The following VPS37A variants were observed in gnomAD, a reference collection of about 807,000 sequenced individuals.
VPS37A encodes the protein VPS37A subunit of ESCRT-I.
VPS37A carries 30 observed loss-of-function variants against 49.8 expected under a neutral mutation model. That is an observed-to-expected ratio of 0.60 (90% CI 0.45 to 0.82). VPS37A has a LOEUF of 0.82. Ranked by LOEUF, VPS37A falls within the 40% of genes least tolerant of loss-of-function variation. The pLI is 0.00. For missense variants in VPS37A, 593 were observed against 464.4 expected (o/e 1.28, Z -2.55); for synonymous variants, 195 against 160.6 (o/e 1.21, Z -1.62).
At chr8:17,301,180 G>C (rs1352316403), downstream of VPS37A, among the ~76,000 whole-genome samples, 3 of 152,218 alleles carry the variant, frequency 2.0e-5, no homozygotes, top group Non-Finnish European at 4.4e-5. Flanking sequence ...GAGGAAAAGA[G>C]ATAGATAAAT....
the VPS37A span, among the ~76,000 whole-genome samples, chr8:17,319,514 G>C: frequency 6.6e-6 from 1 of 152,170 alleles, no homozygotes; most frequent in Non-Finnish European, 1.5e-5. Flanking sequence ...CAAACCTCGA[G>C]TTTTTGCCAC....
In VPS37A at chr8:17,247,038, T is replaced by A. The variant is rs553574263; in HGVS notation, c.-207T>A. ...GGACCTCCTGTTCCGGGCCGCAAGTTTCCCTCTCCAGCCGCCCGCCGTTCG... is the reference window on the plus strand; with the variant it reads ...GGACCTCCTGTTCCGGGCCGCAAGTATCCCTCTCCAGCCGCCCGCCGTTCG... On this transcript the variant is annotated 5_prime_UTR_variant, in exon 1 of 12. Coordinates refer to ENST00000324849, the MANE Select transcript of VPS37A (RefSeq NM_152415.3). 63 of 654,110 alleles carry A rather than the reference T, an allele frequency of 9.6e-5. No homozygotes were observed. In the South Asian group the frequency reaches 1.2e-3, roughly 12 times the overall value. The allele number at this position is 654,110 out of a possible 1,614,324, so 40.5% of individuals were successfully genotyped here.
intron 2 of VPS37A, among the ~76,000 whole-genome samples, chr8:17,267,807 A>T (rs1260057745): frequency 6.6e-6 from 1 of 152,210 alleles, no homozygotes; most frequent in East Asian, 1.9e-4. Context: ...GACTACAGGC[A>T]TGCACCACCA....
At chr8:17,271,227 G>A (rs142811814) in intron 4 of VPS37A, among the ~76,000 whole-genome samples, 2,607 of 152,276 alleles carry the variant, frequency 0.017, 44 homozygotes, top group Middle Eastern at 0.044. Context: ...CTTCCTGCCT[G>A]TAGAAATTAA....
chr8:17,317,357 G>A, the VPS37A span, among the ~76,000 whole-genome samples: 8 of 152,158 alleles, frequency 5.3e-5, no homozygotes, highest in Non-Finnish European at 1.0e-4. Flanking sequence ...TGTAGGCCCC[G>A]GCATGGAATC....
chr8:17,280,383 A>C lies in VPS37A; in HGVS notation c.909A>C (p.Leu303Phe). The change falls in exon 9 of 12, where the codon TTA becomes TTC. Residue 303 changes from leucine (L) to phenylalanine (F), a missense_variant. Transcript: ENST00000324849. ...KRQTVLDKYE[L>F]LTQMKSTFEK... The stretch of plus-strand genomic sequence containing the variant: ...TTCATTTTCTCTTTTAGTATGAATT[A>C]CTTACACAGATGAAGTCCACTTTCG... 1.9e-6 allele frequency: 3 copies of C among 1,609,728 alleles called. No individual in the cohort carries two copies. The highest frequency in any genetic ancestry group is 1.7e-6 in the Non-Finnish European group (2 of 1,178,544).
chr8:17,247,478 GT>G, intron 1 of VPS37A, 109 bp downstream of exon 1: 1 of 1,428,154 alleles, frequency 7.0e-7, no homozygotes, highest in South Asian at 1.3e-5. Flanking sequence ...TCCTCATGTG[GT>G]TTACCTCCCT....
chr8:17,265,538 A>C (rs1278767418), intron 1 of VPS37A, among the ~76,000 whole-genome samples: 1 of 152,228 alleles, frequency 6.6e-6, no homozygotes, highest in South Asian at 2.1e-4. Context: ...GATATTGCTT[A>C]ATAGTGGCAG....
chr8:17,331,982 TGAA>T, the VPS37A span, among the ~76,000 whole-genome samples: 2 of 152,212 alleles, frequency 1.3e-5, no homozygotes, highest in African/African-American at 4.8e-5. Context: ...CAGTGGTATC[TGAA>T]GAAGTTTATT....
chr8:17,251,520 A>G (rs984668909), intron 1 of VPS37A, among the ~76,000 whole-genome samples: 14 of 152,216 alleles, frequency 9.2e-5, no homozygotes, highest in Admixed American at 2.6e-4. Context: ...CTCTTAGCCT[A>G]TAAGCTTCTA....
chr8:17,254,405 A>G (rs1812248047), intron 1 of VPS37A, among the ~76,000 whole-genome samples: 1 of 152,184 alleles, frequency 6.6e-6, no homozygotes, highest in Non-Finnish European at 1.5e-5. Context: ...CAAGCTGGAA[A>G]CAAGCTAGGA....
intron 4 of VPS37A, among the ~76,000 whole-genome samples, chr8:17,272,879 T>G (rs1018237424): frequency 6.6e-6 from 1 of 151,968 alleles, no homozygotes; most frequent in Non-Finnish European, 1.5e-5. Context: ...GCAGCTTAAT[T>G]TTTTTTCCTC....
At position 17,296,234 on chromosome 8, in the gene VPS37A, T is replaced by G. The variant is rs1816620232; in HGVS notation, c.*1248T>G. The G allele has an allele frequency of 6.6e-6, 1 of 152,200 alleles. No individual in the cohort carries two copies. Among genetic ancestry groups the G allele is most frequent in the East Asian group, 1.9e-4 (1 of 5,206 alleles). 9.4% of individuals were successfully genotyped at this position (152,200 alleles called of 1,614,324 possible). A position where few individuals can be genotyped will look rare whatever the true frequency, so the allele number is the denominator to read the frequency against. ...TATTTTGTTAGAATTAAAACATGCT[T>G]AATATTTAGTCTGTTTGTGGAGGGC... On this transcript the variant is annotated 3_prime_UTR_variant, in exon 12 of 12. Coordinates refer to ENST00000324849, the MANE Select transcript of VPS37A (RefSeq NM_152415.3).
At chr8:17,304,504 T>G, downstream of VPS37A, 1 of 1,613,520 alleles carries the variant, frequency 6.2e-7, no homozygotes, top group Non-Finnish European at 8.5e-7. Context: ...ATAATGAGTA[T>G]GTTCTTTCTT....
At chr8:17,311,328 C>G in the VPS37A span, among the ~76,000 whole-genome samples, 6 of 152,122 alleles carry the variant, frequency 3.9e-5, no homozygotes, top group Non-Finnish European at 7.4e-5. Flanking sequence ...TCTCTTTATT[C>G]CAAGCCTTCC....
chr8:17,304,860 T>C (rs1817353756), downstream of VPS37A, among the ~76,000 whole-genome samples: 2 of 152,086 alleles, frequency 1.3e-5, no homozygotes, highest in Admixed American at 1.3e-4. Context: ...CCACGTTTTC[T>C]CTCATTTAAT....
chr8:17,272,118 C>G (rs980611055), intron 4 of VPS37A: 1 of 455,986 alleles, frequency 2.2e-6, no homozygotes, highest in African/African-American at 2.0e-5. Flanking sequence ...AAACTTTCCA[C>G]TAATAAAAAG....
downstream of VPS37A, among the ~76,000 whole-genome samples, chr8:17,304,746 C>CGTGTGTGTGTGT (rs10527892): frequency 5.1e-3 from 749 of 147,078 alleles, 13 homozygotes; most frequent in Middle Eastern, 0.017. Flanking sequence ...GTGTTCGATT[C>CGTGTGTGTGTGT]GTGTGTGTGT....
Position 17,280,443 on chromosome 8 carries a change from G to T in VPS37A, c.969G>T (p.Glu323Asp), listed in dbSNP as rs1814942483. The T allele has an allele frequency of 6.3e-7, 1 of 1,593,432 alleles. No individual in the cohort carries two copies. Among genetic ancestry groups the T allele is most frequent in the South Asian group, 1.2e-5 (1 of 85,830 alleles). Residue 323 changes from glutamate to aspartate, a missense_variant and splice_region_variant, in exon 9 of 12, where the codon GAG (glutamate) becomes GAT (aspartate). Transcript: ENST00000324849. ...KKMQRQHELS[E>D]SCSASALQAR... ...TGCAAAGGCAGCATGAACTTAGTGA[G>T]GTAAGACTGTTTATTTTTTTCCCTT...
Sources: allele counts gnomAD v4.1 joint callset (sites outside exome capture counted in the v4.1 genomes callset), GRCh38; gene constraint gnomAD v4.1.1; transcripts MANE v1.5; gene names NCBI Gene and HGNC (gene_info 2026-07-23, HGNC 2026-07-21).